EP400: variants seen among roughly 807,000 people sequenced by gnomAD.
The protein encoded by EP400 is E1A-binding protein p400.
In EP400, 105 loss-of-function variants were observed where a neutral mutation model predicts 354.1. The ratio of observed to expected loss-of-function variants is 0.30; its 90% CI spans 0.25 to 0.35. The LOEUF (loss-of-function observed/expected upper bound fraction) is 0.35, where lower values mean the gene tolerates loss of function less well. Among genes scored for constraint, EP400 ranks in the 10% least tolerant of loss-of-function variants. The pLI is 1.00. For missense variants in EP400, 3,280 were observed against 4,121.0 expected (o/e 0.80, Z 5.59); for synonymous variants, 1,646 against 1,716.9 (o/e 0.96, Z 1.02).
At chr12:132,006,919 G>A (rs1225600963) in intron 15 of EP400, 42 bp downstream of exon 15, 2 of 1,609,598 alleles carry the variant, frequency 1.2e-6, no homozygotes, top group Non-Finnish European at 1.7e-6. Context: ...TATTTGCTAG[G>A]ACTTACCTAT....
intron 19 of EP400, among the ~76,000 whole-genome samples, chr12:132,015,902 C>G (rs552669136): frequency 2.0e-5 from 3 of 152,204 alleles, no homozygotes; most frequent in Non-Finnish European, 4.4e-5. Context: ...TTGCAGGGAC[C>G]ATGCCACACC....
At chr12:131,988,288 C>T (rs1475681206) in intron 7 of EP400, among the ~76,000 whole-genome samples, 3 of 152,136 alleles carry the variant, frequency 2.0e-5, no homozygotes, top group South Asian at 4.1e-4. Context: ...GCCCAGCATG[C>T]GTTGTTGGGA....
intron 1 of EP400, among the ~76,000 whole-genome samples, chr12:131,950,957 T>C (rs1359245580): frequency 6.6e-6 from 1 of 151,854 alleles, no homozygotes; most frequent in South Asian, 2.1e-4. Context: ...TGGAGTGCAG[T>C]GGCGCGATCT....
At chr12:131,992,373 T>C in intron 11 of EP400, 143 bp downstream of exon 11, 3 of 760,336 alleles carry the variant, frequency 3.9e-6, no homozygotes, top group Non-Finnish European at 6.6e-6. Flanking sequence ...TGTCTCTCAG[T>C]GTATAGAGTA....
intron 12 of EP400, among the ~76,000 whole-genome samples, chr12:131,996,332 C>A (rs1255216303): frequency 2.0e-5 from 3 of 147,638 alleles, no homozygotes; most frequent in Non-Finnish European, 4.4e-5. Flanking sequence ...CTCGCTGTCA[C>A]CCAGGCTGGA....
At chr12:132,055,518 TGTA>T (rs1895462780) in intron 45 of EP400, among the ~76,000 whole-genome samples, 1 of 80,368 alleles carries the variant, frequency 1.2e-5, no homozygotes. Flanking sequence ...GTGTGTGAGG[TGTA>T]GGGGTGTGTG....
intron 2 of EP400, among the ~76,000 whole-genome samples, chr12:131,973,326 C>G (rs1318144428): frequency 6.6e-6 from 1 of 152,182 alleles, no homozygotes. Context: ...GCTAAAAGTG[C>G]TGCTAGACTG....
At chr12:131,984,141 G>C (rs550255474) in intron 5 of EP400, among the ~76,000 whole-genome samples, 1 of 152,096 alleles carries the variant, frequency 6.6e-6, no homozygotes, top group African/African-American at 2.4e-5. Flanking sequence ...CAGGTGATCC[G>C]CTGGCTTTGG....
At chr12:132,009,550 G>GAGAGGGTA (rs1227073190) in intron 15 of EP400, among the ~76,000 whole-genome samples, 1 of 152,226 alleles carries the variant, frequency 6.6e-6, no homozygotes, top group Non-Finnish European at 1.5e-5. Context: ...GTGTGAGGGT[G>GAGAGGGTA]AGAGGGTAAG....
At chr12:132,060,745 T>C (rs768604965) in intron 45 of EP400, among the ~76,000 whole-genome samples, 1 of 151,886 alleles carries the variant, frequency 6.6e-6, no homozygotes, top group South Asian at 2.1e-4. Flanking sequence ...AGAAACCCCA[T>C]CTCTACCAAA....
chr12:132,020,930 A>G (rs1593352059), intron 22 of EP400, 149 bp from the exon 23 acceptor site: 2 of 1,076,674 alleles, frequency 1.9e-6, no homozygotes, highest in East Asian at 2.8e-5. Flanking sequence ...TGTAAACTAT[A>G]TGGCCCCTCT....
At chr12:132,033,628 C>T (rs540423999) in intron 30 of EP400, among the ~76,000 whole-genome samples, 1 of 151,822 alleles carries the variant, frequency 6.6e-6, no homozygotes, top group South Asian at 2.1e-4. Flanking sequence ...ATCTCCTAGG[C>T]TCAGGTAATC....
intron 12 of EP400, among the ~76,000 whole-genome samples, chr12:132,003,598 ATCT>A (rs1412092371): frequency 2.6e-5 from 4 of 152,084 alleles, no homozygotes; most frequent in African/African-American, 4.8e-5. Flanking sequence ...TTACAGAATT[ATCT>A]TCTTACTGGA....
chr12:131,978,876 C>T (rs1279182652), intron 2 of EP400, among the ~76,000 whole-genome samples: 1 of 152,106 alleles, frequency 6.6e-6, no homozygotes, highest in Non-Finnish European at 1.5e-5. Context: ...ATATATCTCA[C>T]ATATTTATAT....
rs750532543 is a variant in EP400 at position 132,018,263 on chromosome 12, T to G, written c.4164T>G (p.Arg1388=). The change falls in exon 21 of 53, where the codon CGT becomes CGG. Residue 1388 remains arginine (R), a synonymous_variant. Coordinates refer to ENST00000389561, the MANE Select transcript of EP400 (RefSeq NM_015409.5). This position sits in a 1 kb window ranked among gnomAD's most constrained non-coding sequence, Gnocchi z 4.0. ...DLIGLENKIT[R]HEAELLSKKK... ...TCGGCTTAGAAAATAAAATCACTCG[T>G]CACGAGGCAGAGTTGCTGTCTAAGA... 1.2e-6 allele frequency: 2 copies of G among 1,613,648 alleles called. No individual in the cohort carries two copies. The highest frequency in any genetic ancestry group is 3.3e-5 in the Admixed American group (2 of 59,880).
At position 132,006,113 on chromosome 12, in the gene EP400, T is replaced by C; in HGVS notation, c.2937T>C (p.Asp979=). The C allele has an allele frequency of 1.9e-6, 3 of 1,613,184 alleles. No homozygotes were observed. The highest frequency in any genetic ancestry group is 2.5e-6 in the Non-Finnish European group (3 of 1,179,252). The part of the protein sequence containing the change: ...PDGEDTSGEE[D]ADDCPGDRES... ...TTCTCTGTTTTATTGTCGTTACAGA[T>C]GCAGATGACTGTCCAGGCGACAGGG... The change falls in exon 14 of 53, where the codon GAT becomes GAC. Residue 979 remains aspartate (D), a splice_region_variant and synonymous_variant. Transcript: ENST00000389561.
intron 30 of EP400, among the ~76,000 whole-genome samples, chr12:132,036,027 G>A (rs1338173550): frequency 1.4e-5 from 2 of 146,178 alleles, no homozygotes; most frequent in South Asian, 2.2e-4. Context: ...CACATGGAAC[G>A]CTGTGGAAGC....
intron 13 of EP400, 67 bp from the exon 14 acceptor site, chr12:132,006,045 A>G (rs1340783584): frequency 1.4e-6 from 2 of 1,457,416 alleles, no homozygotes; most frequent in Non-Finnish European, 1.8e-6. Context: ...TTCCTGTTTT[A>G]AAAAAAGGTT....
At chr12:132,021,016 A>G (rs974834709) in intron 22 of EP400, 63 bp from the exon 23 acceptor site, 86 of 1,478,562 alleles carry the variant, frequency 5.8e-5, no homozygotes, top group Non-Finnish European at 7.6e-5. Flanking sequence ...AATTCAGTTT[A>G]AAATATTGTA....
Sources: gnomAD v4.1 joint callset for allele counts (sites outside exome capture counted in the v4.1 genomes callset) on GRCh38, gnomAD v4.1.1 for gene constraint, Gnocchi (gnomAD v3.1) non-coding constraint, MANE v1.5 for transcripts, NCBI Gene and HGNC (gene_info 2026-07-23, HGNC 2026-07-21) for gene names.